Variants in CDK14 observed in about 807,000 individuals in gnomAD.
CDK14 encodes the protein cyclin-dependent kinase 14.
Under a neutral mutation model 60.7 loss-of-function variants are expected in CDK14, and 34 were observed. The observed-to-expected ratio is 0.56, with a 90% CI of 0.43 to 0.75. CDK14 has a LOEUF of 0.75. CDK14 is among the 30% of genes least tolerant of loss of function. The probability of loss-of-function intolerance (pLI) is 0.00; values close to 1 mark genes in which losing one functional copy is unlikely to be tolerated. For missense variants in CDK14, 482 were observed against 564.1 expected, an observed-to-expected ratio of 0.85 and a Z score of 1.47; for synonymous variants, 197 against 203.7, an observed-to-expected ratio of 0.97 and a Z score of 0.28.
At chr7:91,109,192 T>C (rs183839820) in intron 12 of CDK14, among the ~76,000 whole-genome samples, 2 of 152,284 alleles carry the variant, frequency 1.3e-5, no homozygotes, top group African/African-American at 4.8e-5. Context: ...AGCAGAAATG[T>C]AATATTTTTT....
intron 14 of CDK14, among the ~76,000 whole-genome samples, chr7:91,132,269 A>G (rs1196524256): frequency 6.6e-6 from 1 of 152,182 alleles, no homozygotes; most frequent in African/African-American, 2.4e-5. Context: ...TGGATTTTGC[A>G]TGGGCATACA....
At chr7:90,736,163 C>T (rs897413695) in intron 3 of CDK14, among the ~76,000 whole-genome samples, 1 of 152,026 alleles carries the variant, frequency 6.6e-6, no homozygotes, top group Non-Finnish European at 1.5e-5. Context: ...AACTGTCCAA[C>T]CAGTCCCAGT....
intron 6 of CDK14, among the ~76,000 whole-genome samples, chr7:90,868,883 C>G (rs1272530756): frequency 6.6e-6 from 1 of 152,110 alleles, no homozygotes; most frequent in Non-Finnish European, 1.5e-5. Flanking sequence ...GTCTTCTGTG[C>G]CTAAAGATGC....
chr7:90,936,339 G>T (rs934065045), intron 8 of CDK14, among the ~76,000 whole-genome samples: 1 of 152,160 alleles, frequency 6.6e-6, no homozygotes, highest in Non-Finnish European at 1.5e-5. Flanking sequence ...GTAGAAAACA[G>T]ACAAATGTTT....
chr7:91,178,975 A>G (rs1331221861), intron 14 of CDK14, among the ~76,000 whole-genome samples: 1 of 152,210 alleles, frequency 6.6e-6, no homozygotes, highest in Non-Finnish European at 1.5e-5. Flanking sequence ...CCAAAGGACT[A>G]TAAATCATGC....
chr7:90,642,596 TATC>T (rs1022941676), intron 2 of CDK14, among the ~76,000 whole-genome samples: 2 of 152,186 alleles, frequency 1.3e-5, no homozygotes, highest in African/African-American at 4.8e-5. Flanking sequence ...GCCAGGCTGA[TATC>T]AAACTCCTGG....
intron 12 of CDK14, among the ~76,000 whole-genome samples, chr7:91,092,314 C>G (rs1025432016): frequency 6.6e-6 from 1 of 152,020 alleles, no homozygotes; most frequent in African/African-American, 2.4e-5. Context: ...TCTGTGCCCC[C>G]AGATCTACAA....
Position 90,649,394 on chromosome 7 carries a change from C to G in CDK14, c.123+45145C>G, listed in dbSNP as rs17875197. Among the ~76,000 whole-genome samples the G allele has an allele frequency of 1.0e-4, 3 of 29,756 alleles. 1 individual carries two copies. Among genetic ancestry groups the G allele is most frequent in the African/African-American group, 1.2e-4 (1 of 8,410 alleles). The allele number at this position is 29,756 out of a possible 152,430, so 19.5% of individuals were successfully genotyped here. A position where few individuals can be genotyped will look rare whatever the true frequency, so the allele number is the denominator to read the frequency against. ...CCTTCCTTCCTTCCTTCCTTCCTTC[C>G]TTCTTTCTTTCTTTCTTTCTTTCTT... On this transcript the variant is annotated intron_variant, in intron 2 of 14. Transcript: ENST00000380050.
At chr7:91,083,889 A>T (rs889395497) in intron 12 of CDK14, among the ~76,000 whole-genome samples, 2 of 152,220 alleles carry the variant, frequency 1.3e-5, no homozygotes, top group Admixed American at 6.5e-5. Context: ...AGCCCTGATC[A>T]CTAGCAGTGG....
chr7:90,812,352 C>G (rs970837950), intron 5 of CDK14, among the ~76,000 whole-genome samples: 2 of 151,980 alleles, frequency 1.3e-5, no homozygotes, highest in Admixed American at 6.6e-5. Context: ...TCATTCTCAG[C>G]AAACTATCGC....
intron 2 of CDK14, among the ~76,000 whole-genome samples, chr7:90,688,575 CA>C (rs1188450692): frequency 6.6e-6 from 1 of 152,006 alleles, no homozygotes; most frequent in African/African-American, 2.4e-5. Flanking sequence ...AATTAATGGG[CA>C]ATGACAGTAA....
At chr7:91,008,329 G>A (rs1251309342) in intron 10 of CDK14, among the ~76,000 whole-genome samples, 1 of 152,098 alleles carries the variant, frequency 6.6e-6, no homozygotes, top group Non-Finnish European at 1.5e-5. Context: ...AGAAAGACAG[G>A]CAGGTGAGGA....
chr7:90,847,222 T>A (rs1256653980), intron 5 of CDK14, among the ~76,000 whole-genome samples: 1 of 152,110 alleles, frequency 6.6e-6, no homozygotes, highest in Non-Finnish European at 1.5e-5. Flanking sequence ...ATGTTAAAAG[T>A]TTTTTGGCAT....
At chr7:91,115,682 T>C (rs1444093359) in intron 13 of CDK14, among the ~76,000 whole-genome samples, 3 of 152,192 alleles carry the variant, frequency 2.0e-5, no homozygotes, top group African/African-American at 7.2e-5. Flanking sequence ...GATTTGAGCC[T>C]TCTTGGCCTA....
intron 5 of CDK14, among the ~76,000 whole-genome samples, chr7:90,861,402 G>A (rs894290212): frequency 6.6e-6 from 1 of 152,314 alleles, no homozygotes; most frequent in Admixed American, 6.5e-5. Context: ...AGCAAAGAGT[G>A]ACACAGGGGA....
intron 14 of CDK14, among the ~76,000 whole-genome samples, chr7:91,193,863 C>T (rs951790130): frequency 3.3e-5 from 5 of 152,130 alleles, no homozygotes. Context: ...ATTCGTTACT[C>T]ACAGTTTTAT....
intron 3 of CDK14, among the ~76,000 whole-genome samples, chr7:90,744,739 C>T (rs1304558474): frequency 4.5e-5 from 6 of 134,408 alleles, no homozygotes; most frequent in East Asian, 4.4e-4. Context: ...CCTCACCTCC[C>T]GGACGGGGCG....
chr7:90,739,906 A>G (rs867461584), intron 3 of CDK14, among the ~76,000 whole-genome samples: 7 of 152,162 alleles, frequency 4.6e-5, no homozygotes, highest in Non-Finnish European at 1.0e-4. Context: ...GACATTCACA[A>G]GCTGTTTCCT....
At chr7:91,013,656 G>GTTTTTTTTTTTTTT (rs56934476) in intron 10 of CDK14, among the ~76,000 whole-genome samples, 75 of 123,362 alleles carry the variant, frequency 6.1e-4, no homozygotes, top group Non-Finnish European at 7.0e-4. Flanking sequence ...CATTGCCTCT[G>GTTTTTTTTTTTTTT]TTTTTTTTTT....
Sources: gnomAD v4.1 joint callset for allele counts (sites outside exome capture counted in the v4.1 genomes callset) on GRCh38, gnomAD v4.1.1 for gene constraint, MANE v1.5 for transcripts, NCBI Gene and HGNC (gene_info 2026-07-23, HGNC 2026-07-21) for gene names.